Variants in WWC1 observed in about 807,000 individuals in gnomAD.
WWC1 encodes protein KIBRA.
Under a neutral mutation model 138.4 loss-of-function variants are expected in WWC1, and 55 were observed. The ratio of observed to expected loss-of-function variants is 0.40; its 90% CI spans 0.32 to 0.50. The LOEUF is 0.50. Among genes scored for constraint, WWC1 ranks in the 20% least tolerant of loss-of-function variants. The probability of loss-of-function intolerance (pLI) is 0.72; values close to 1 mark genes in which losing one functional copy is unlikely to be tolerated. For missense variants in WWC1, 1,226 were observed against 1,420.4 expected, an observed-to-expected ratio of 0.86 and a Z score of 2.20; for synonymous variants, 524 against 564.9, an observed-to-expected ratio of 0.93 and a Z score of 1.03.
Position 168,469,069 on chromosome 5 carries a change from T to C in WWC1, c.*52T>C. The C allele has an allele frequency of 6.2e-7, 1 of 1,606,284 alleles. No individual in the cohort carries two copies. The highest frequency in any genetic ancestry group is 8.5e-7 in the Non-Finnish European group (1 of 1,172,978). ...CACTGACCAGGCTGTGAACATTGAC[T>C]GTGGCTAAAGTTATTTATGTGGTGT... On this transcript the variant is annotated 3_prime_UTR_variant, in exon 23 of 23. Transcript: ENST00000265293.
chr5:168,318,913 G>A (rs1305658790), intron 1 of WWC1, among the ~76,000 whole-genome samples: 1 of 152,078 alleles, frequency 6.6e-6, no homozygotes, highest in Non-Finnish European at 1.5e-5. Context: ...CTATGTTGTC[G>A]GCTGTGTCAG....
At chr5:168,414,304 G>T in intron 8 of WWC1, 44 bp from the exon 9 acceptor site, 3 of 1,602,466 alleles carry the variant, frequency 1.9e-6, no homozygotes, top group Non-Finnish European at 1.7e-6. Context: ...TGTTCCCTCA[G>T]TGCCATTAGG....
At chr5:168,327,836 A>G (rs1189217123) in intron 1 of WWC1, among the ~76,000 whole-genome samples, 1 of 152,216 alleles carries the variant, frequency 6.6e-6, no homozygotes, top group East Asian at 1.9e-4. Flanking sequence ...TGGCAGGAAT[A>G]TGCTCCCCAC....
chr5:168,331,121 G>A (rs1418308498), intron 1 of WWC1, among the ~76,000 whole-genome samples: 1 of 152,138 alleles, frequency 6.6e-6, no homozygotes, highest in African/African-American at 2.4e-5. Flanking sequence ...TCTCTCCCTG[G>A]GGGCTGTGTG....
chr5:168,399,681 C>T (rs1779166054), intron 5 of WWC1, 114 bp downstream of exon 5: 1 of 1,026,708 alleles, frequency 9.7e-7, no homozygotes, highest in Non-Finnish European at 1.5e-6. Flanking sequence ...AAATGTGGCT[C>T]TCTCATCATT....
chr5:168,310,862 C>T (rs993470820), intron 1 of WWC1, among the ~76,000 whole-genome samples: 1 of 138,466 alleles, frequency 7.2e-6, no homozygotes, highest in South Asian at 2.3e-4. Flanking sequence ...CTTGGAGATA[C>T]GTTTCTTTTT....
chr5:168,320,449 T>G (rs543837177), intron 1 of WWC1, among the ~76,000 whole-genome samples: 1 of 152,320 alleles, frequency 6.6e-6, no homozygotes, highest in East Asian at 1.9e-4. Context: ...TAATCCTGTC[T>G]GCTCTCCTTA....
chr5:168,444,821 T>C (rs1755091420), intron 17 of WWC1, among the ~76,000 whole-genome samples: 1 of 150,684 alleles, frequency 6.6e-6, no homozygotes, highest in Non-Finnish European at 1.5e-5. Flanking sequence ...AGTTCACACC[T>C]AATGTTATTC....
At chr5:168,453,532 A>G (rs1334296056) in intron 17 of WWC1, among the ~76,000 whole-genome samples, 2 of 152,070 alleles carry the variant, frequency 1.3e-5, no homozygotes, top group African/African-American at 4.8e-5. Context: ...TACACTGAAA[A>G]TGCCTCATTA....
At chr5:168,403,002 TTCTTTTTCTTTC>T (rs1779422520) in intron 5 of WWC1, among the ~76,000 whole-genome samples, 1 of 133,614 alleles carries the variant, frequency 7.5e-6, no homozygotes, top group Non-Finnish European at 1.6e-5. Flanking sequence ...GCTCTGTTGT[TTCTTTTTCTTTC>T]TTTCTTTCTT....
intron 9 of WWC1, among the ~76,000 whole-genome samples, chr5:168,421,478 A>T (rs910652126): frequency 6.6e-6 from 1 of 152,142 alleles, no homozygotes; most frequent in Non-Finnish European, 1.5e-5. Context: ...GTATTTCTTT[A>T]ATATCGGTTC....
chr5:168,359,510 G>T (rs920847738), intron 1 of WWC1, among the ~76,000 whole-genome samples: 4 of 152,242 alleles, frequency 2.6e-5, no homozygotes, highest in African/African-American at 7.2e-5. Context: ...CATATGGATT[G>T]TTTCTAGCTT....
intron 1 of WWC1, among the ~76,000 whole-genome samples, chr5:168,294,714 C>T (rs1475777679): frequency 6.6e-6 from 1 of 152,150 alleles, no homozygotes; most frequent in Non-Finnish European, 1.5e-5. Context: ...GCAAGTCTGC[C>T]TCCTGGGTTC....
In WWC1 at chr5:168,346,230, G is replaced by GA. The variant is rs1452134868; in HGVS notation, c.120-25190dup. Among the ~76,000 whole-genome samples the GA allele has an allele frequency of 3.9e-5, 6 of 152,210 alleles. No individual in the cohort carries two copies. In the East Asian group the frequency reaches 9.7e-4, roughly 25 times the overall value. On this transcript the variant is annotated intron_variant, in intron 1 of 22. Transcript: ENST00000265293. The stretch of plus-strand genomic sequence containing the variant: ...ATCTCAGCAGGTCTGAAGTTAGGCT[G>GA]AAAATCTGTGTTTTGCAAGTATAAA...
chr5:168,460,915 T>C (rs926299029), intron 20 of WWC1, among the ~76,000 whole-genome samples, 173 bp downstream of exon 20: 4 of 152,214 alleles, frequency 2.6e-5, no homozygotes, highest in African/African-American at 4.8e-5. Context: ...ATGAGGCCTG[T>C]GTAGCCACAG....
At chr5:168,408,344 AC>A (rs57845287) in intron 6 of WWC1, among the ~76,000 whole-genome samples, 162 bp from the exon 7 acceptor site, 18,753 of 152,032 alleles carry the variant, frequency 0.12, 1,233 homozygotes, top group Non-Finnish European at 0.14. Context: ...CACAGCAAGG[AC>A]CCACTCACTG....
chr5:168,464,249 G>A (rs1561802521), intron 20 of WWC1, among the ~76,000 whole-genome samples: 1 of 152,170 alleles, frequency 6.6e-6, no homozygotes, highest in African/African-American at 2.4e-5. Flanking sequence ...CCCTCAAGCA[G>A]GAACAGACCT....
intron 17 of WWC1, among the ~76,000 whole-genome samples, 166 bp downstream of exon 17, chr5:168,444,751 C>T (rs545186395): frequency 3.3e-5 from 5 of 152,122 alleles, no homozygotes; most frequent in East Asian, 1.9e-4. Context: ...TAACCTAGTA[C>T]GATGGTTCCC....
At chr5:168,425,700 T>C (rs1781451234) in intron 11 of WWC1, among the ~76,000 whole-genome samples, 1 of 151,726 alleles carries the variant, frequency 6.6e-6, no homozygotes, top group Admixed American at 6.6e-5. Context: ...GCTTTCACCA[T>C]GTTGGCCAGG....
Sources: allele counts gnomAD v4.1 joint callset (sites outside exome capture counted in the v4.1 genomes callset), GRCh38; gene constraint gnomAD v4.1.1; transcripts MANE v1.5; gene names NCBI Gene and HGNC (gene_info 2026-07-23, HGNC 2026-07-21).